Variants in DPH6 observed in about 807,000 individuals in gnomAD.
The protein encoded by DPH6 is diphthine--ammonia ligase.
DPH6 carries 33 observed loss-of-function variants against 38.2 expected under a neutral mutation model. The observed-to-expected ratio is 0.86, with a 90% CI of 0.65 to 1.15. DPH6 has a LOEUF of 1.15. Ranked by LOEUF, DPH6 falls within the 50% of genes most tolerant of loss-of-function variation. DPH6 has a pLI of 0.00. For synonymous variants in DPH6, 108 were observed against 103.0 expected (o/e 1.05, Z -0.30); for missense variants, 325 against 320.0 (o/e 1.02, Z -0.12).
the DPH6 span, among the ~76,000 whole-genome samples, chr15:35,146,989 T>G: frequency 6.6e-6 from 1 of 152,222 alleles, no homozygotes; most frequent in Non-Finnish European, 1.5e-5. Flanking sequence ...GAGGAAACAC[T>G]GGTTAATATA....
intron 3 of DPH6, among the ~76,000 whole-genome samples, chr15:35,267,820 A>G (rs1211960687): frequency 6.6e-6 from 1 of 152,120 alleles, no homozygotes; most frequent in Non-Finnish European, 1.5e-5. Flanking sequence ...TCCTAGTGCT[A>G]CCAATATAAC....
chr15:35,465,334 C>G (rs1013349865), intron 3 of DPH6, among the ~76,000 whole-genome samples: 2 of 152,172 alleles, frequency 1.3e-5, no homozygotes, highest in Non-Finnish European at 2.9e-5. Context: ...TAAAGAAGCA[C>G]ACTTGCATTA....
At chr15:35,185,148 T>C in the DPH6 span, among the ~76,000 whole-genome samples, 1 of 152,066 alleles carries the variant, frequency 6.6e-6, no homozygotes, top group Non-Finnish European at 1.5e-5. Flanking sequence ...ATTTTATAGG[T>C]ACATAAAACA....
chr15:35,521,387 T>A (rs1158593160), intron 3 of DPH6: 2 of 1,065,646 alleles, frequency 1.9e-6, no homozygotes, highest in African/African-American at 3.3e-5. Context: ...GACTATATCA[T>A]CTAAAGAATC....
At chr15:35,223,196 T>G (rs1476097445) in intron 3 of DPH6, among the ~76,000 whole-genome samples, 1 of 152,166 alleles carries the variant, frequency 6.6e-6, no homozygotes, top group Non-Finnish European at 1.5e-5. Context: ...TGCAAAGGCC[T>G]TCTTGCTGCA....
At chr15:35,186,352 C>A in the DPH6 span, among the ~76,000 whole-genome samples, 54 of 152,246 alleles carry the variant, frequency 3.5e-4, 1 homozygote, top group Non-Finnish European at 6.8e-4. Context: ...AATTTCTAAT[C>A]CAGTTCTATG....
chr15:35,420,633 A>G (rs566885298), intron 5 of DPH6, among the ~76,000 whole-genome samples: 1 of 152,252 alleles, frequency 6.6e-6, no homozygotes, highest in East Asian at 1.9e-4. Flanking sequence ...CTCCTGCCTC[A>G]GCATCCTGAG....
intron 6 of DPH6, among the ~76,000 whole-genome samples, chr15:35,382,809 G>C (rs536214743): frequency 6.6e-6 from 1 of 151,572 alleles, no homozygotes; most frequent in South Asian, 2.1e-4. Flanking sequence ...AAGAAAGGTT[G>C]GGTAACTTAC....
chr15:35,183,536 T>C, the DPH6 span, among the ~76,000 whole-genome samples: 1 of 152,198 alleles, frequency 6.6e-6, no homozygotes, highest in Non-Finnish European at 1.5e-5. Flanking sequence ...AAGAAAATAA[T>C]TACAGATTAT....
chr15:35,513,595 T>C (rs988033492), intron 3 of DPH6, among the ~76,000 whole-genome samples: 1 of 152,166 alleles, frequency 6.6e-6, no homozygotes, highest in African/African-American at 2.4e-5. Context: ...CGGTAAATAA[T>C]TTAAGAAAAT....
intron 5 of DPH6, among the ~76,000 whole-genome samples, chr15:35,437,913 G>C (rs1430318644): frequency 2.0e-5 from 3 of 152,162 alleles, no homozygotes; most frequent in East Asian, 1.9e-4. Flanking sequence ...TTTGATATTT[G>C]CATGACCTTT....
chr15:35,217,434 C>T (rs2051416782), exon 4 of DPH6: 1 of 152,248 alleles, frequency 6.6e-6, no homozygotes, highest in Admixed American at 6.6e-5. Context: ...TCATTGCAAC[C>T]TCTGCCTCCC....
At chr15:35,345,472 TTTG>T (rs1304069591) in intron 3 of DPH6, among the ~76,000 whole-genome samples, 4 of 151,834 alleles carry the variant, frequency 2.6e-5, no homozygotes, top group African/African-American at 4.8e-5. Flanking sequence ...AAGCATAATG[TTTG>T]TTGTTATCTA....
chr15:35,390,569 C>G (rs1442253197), intron 6 of DPH6, among the ~76,000 whole-genome samples: 4 of 152,108 alleles, frequency 2.6e-5, no homozygotes, highest in African/African-American at 7.2e-5. Flanking sequence ...CTAAACTTCT[C>G]TTCTCACTTC....
At chr15:35,329,572 C>T (rs1482771757), downstream of DPH6, among the ~76,000 whole-genome samples, 2 of 152,148 alleles carry the variant, frequency 1.3e-5, no homozygotes, top group Non-Finnish European at 2.9e-5. Context: ...ATGCTACATT[C>T]TCACAGCATG....
exon 4 of DPH6, chr15:35,218,857 A>G (rs2051425660): frequency 6.6e-6 from 1 of 152,180 alleles, no homozygotes; most frequent in Admixed American, 6.5e-5. Context: ...TTGAAAAAAA[A>G]TGTATGTTTT....
chr15:35,344,355 G>T (rs1259356067), intron 3 of DPH6, among the ~76,000 whole-genome samples: 1 of 151,858 alleles, frequency 6.6e-6, no homozygotes, highest in Non-Finnish European at 1.5e-5. Context: ...AATTAGGCTT[G>T]GGTCAAAAGT....
intron 3 of DPH6, among the ~76,000 whole-genome samples, chr15:35,508,429 G>A (rs2141210856): frequency 6.6e-6 from 1 of 152,212 alleles, no homozygotes. Flanking sequence ...GAAAATGAAT[G>A]TAAAACATGT....
chr15:35,490,477 T>C (rs1238116755), intron 3 of DPH6, among the ~76,000 whole-genome samples: 2 of 152,202 alleles, frequency 1.3e-5, no homozygotes, highest in African/African-American at 2.4e-5. Context: ...TCCATGATTA[T>C]ACAAAAGAAT....
Sources: allele counts gnomAD v4.1 joint callset (sites outside exome capture counted in the v4.1 genomes callset), GRCh38; gene constraint gnomAD v4.1.1; transcripts MANE v1.5; gene names NCBI Gene and HGNC (gene_info 2026-07-23, HGNC 2026-07-21).